The following IGDCC4 variants were observed in gnomAD, a reference collection of about 807,000 sequenced individuals.
IGDCC4 encodes the protein immunoglobulin superfamily DCC subclass member 4.
In IGDCC4, 72 loss-of-function variants were observed where a neutral mutation model predicts 116.6. The ratio of observed to expected loss-of-function variants is 0.62; its 90% CI spans 0.51 to 0.75. IGDCC4 has a LOEUF of 0.75. IGDCC4 is among the 30% of genes least tolerant of loss of function. The pLI, the probability that IGDCC4 is intolerant of heterozygous loss-of-function variation, is 0.00. For synonymous variants in IGDCC4, 709 were observed against 719.9 expected (o/e 0.98, Z 0.24); for missense variants, 1,501 against 1,662.4 (o/e 0.90, Z 1.69).
At position 65,388,540 on chromosome 15, in the gene IGDCC4, C is replaced by G. The variant is rs745357948; in HGVS notation, c.2754G>C (p.Arg918=). ...TGCGCGCCCCCATCTTGAAGAAGTA[C>G]CGAGTGTCGCTCTCCAGGCCATGGA... ...AEVHGLESDT[R]YFFKMGARTE... The change falls in exon 16 of 20, where the codon CGG becomes CGC. Residue 918 remains arginine (R), a synonymous_variant. Transcript: ENST00000352385. The G allele has an allele frequency of 6.2e-7, 1 of 1,614,152 alleles. No individual in the cohort carries two copies. The highest frequency in any genetic ancestry group is 1.1e-5 in the South Asian group (1 of 91,090).
Position 65,384,129 on chromosome 15 carries a change from C to T in IGDCC4, c.3633G>A (p.Pro1211=), listed in dbSNP as rs764552016. 8.7e-6 allele frequency: 14 copies of T among 1,613,280 alleles called. No individual in the cohort carries two copies. The highest frequency in any genetic ancestry group is 2.7e-5 in the African/African-American group (2 of 74,834). Residue 1211 remains proline, a synonymous_variant, in exon 20 of 20, where the codon CCG becomes CCA. Transcript: ENST00000352385. The surrounding 1 kb of genome is among the most constrained non-coding windows in gnomAD (Gnocchi z 4.9). ...PEAASASCSY[P]DLQPGEVLEE... ...CTAGCACCTCGCCTGGCTGGAGGTC[C>T]GGGTAGGAGCAGGAAGCACTGGCTG...
At position 65,393,460 on chromosome 15, in the gene IGDCC4, C is replaced by T; in HGVS notation, c.1786G>A (p.Val596Met). 6.2e-7 allele frequency: 1 copy of T among 1,613,640 alleles called. No homozygotes were observed. Residue 596 changes from valine to methionine, a missense_variant, in exon 10 of 20, where the codon GTG becomes ATG. Transcript: ENST00000352385. The surrounding 1 kb of genome is among the most constrained non-coding windows in gnomAD (Gnocchi z 4.6). ...CCAGCCGAAATCCGTACTCGATACA[C>T]CTTGTTTGGCTGAAGCGAGTTCAGC... ...LMLNSLQPNK[V>M]YRVRISAGTA...
At position 65,384,991 on chromosome 15, in the gene IGDCC4, G is replaced by A. The variant is rs1401687303; in HGVS notation, c.3305C>T (p.Thr1102Met). The A allele has an allele frequency of 7.4e-6, 12 of 1,610,780 alleles. No individual in the cohort carries two copies. Among genetic ancestry groups the A allele is most frequent in the Non-Finnish European group, 9.3e-6 (11 of 1,178,872 alleles). ...GTACACCAGAGCCTGCAGCAACAGCGTCTGCCCAGTTCCAGCAGGGGGCAG... is the reference window on the plus strand; with the variant it reads ...GTACACCAGAGCCTGCAGCAACAGCATCTGCCCAGTTCCAGCAGGGGGCAG... Reference protein sequence around the residue: ...ALLPPAGTGQTLLLQALVYDA... With the variant: ...ALLPPAGTGQMLLLQALVYDA... The change falls in exon 19 of 20, where the codon ACG (threonine) becomes ATG (methionine). Residue 1102 changes from threonine (T) to methionine (M), a missense_variant. Transcript: ENST00000352385. This position sits in a 1 kb window ranked among gnomAD's most constrained non-coding sequence, Gnocchi z 4.9.
At position 65,390,398 on chromosome 15, in the gene IGDCC4, A is replaced by G. The variant is rs112433305; in HGVS notation, c.2225-60T>C. ...GGAGGATACTCATCCTTAAATATGT[A>G]TAGTGGTTTACAGTTCCCAAGGCTG... On this transcript the variant is annotated intron_variant, in intron 12 of 19. Transcript: ENST00000352385. 3.6e-5 allele frequency: 50 copies of G among 1,405,466 alleles called. 4 individuals are homozygous for G. The highest frequency in any genetic ancestry group is 3.5e-4 in the African/African-American group (25 of 70,896). 87.1% of individuals were successfully genotyped at this position (1,405,466 alleles called of 1,614,324 possible). A position where few individuals can be genotyped will look rare whatever the true frequency, so the allele number is the denominator to read the frequency against.
At chr15:65,396,226 C>CCCG in intron 6 of IGDCC4, 63 bp from the exon 7 acceptor site, 3 of 1,374,488 alleles carry the variant, frequency 2.2e-6, no homozygotes, top group South Asian at 1.5e-5. Flanking sequence ...GCCCCCCCCC[C>CCCG]AGTACCCCAA....
chr15:65,410,410 A>ACACAGAAACACATAGT, intron 2 of IGDCC4, 91 bp from the exon 3 acceptor site: 1 of 1,423,664 alleles, frequency 7.0e-7, no homozygotes, highest in Non-Finnish European at 9.7e-7. Context: ...CCGCATGGAG[A>ACACAGAAACACATAGT]CACAGAAACA....
chr15:65,411,136 T>A lies in IGDCC4; in HGVS notation c.305A>T (p.Asn102Ile). 2 of 1,614,188 alleles carry A rather than the reference T, an allele frequency of 1.2e-6. No homozygotes were observed. The highest frequency in any genetic ancestry group is 1.7e-6 in the Non-Finnish European group (2 of 1,180,028). Reference protein sequence around the residue: ...SLWLSQPLAPNGSDESVPEAV... With the variant: ...SLWLSQPLAPIGSDESVPEAV... The stretch of plus-strand genomic sequence containing the variant: ...CTCAGGGACTGACTCGTCACTGCCA[T>A]TGGGTGCTAGTGGCTGGGACAGCCA... The change falls in exon 2 of 20, where the codon AAT becomes ATT. Residue 102 changes from asparagine (N) to isoleucine (I), a missense_variant. Transcript: ENST00000352385.
At position 65,381,781 on chromosome 15, in the gene IGDCC4, C is replaced by T. The variant is rs1028908021; in HGVS notation, c.*2228G>A. ...AATAGATTCTTTTCTAATAAAAATA[C>T]TGCTACAAAGACACAAACCTAACAC... On this transcript the variant is annotated 3_prime_UTR_variant, in exon 20 of 20. Coordinates refer to ENST00000352385, the MANE Select transcript of IGDCC4 (RefSeq NM_020962.3). The T allele has an allele frequency of 6.6e-6, 1 of 152,524 alleles. No homozygotes were observed. The highest frequency in any genetic ancestry group is 2.4e-5 in the African/African-American group (1 of 41,448). 9.4% of individuals were successfully genotyped at this position (152,524 alleles called of 1,614,324 possible).
At chr15:65,407,881 G>A (rs560352144) in intron 3 of IGDCC4, among the ~76,000 whole-genome samples, 4 of 147,020 alleles carry the variant, frequency 2.7e-5, no homozygotes, top group Non-Finnish European at 4.5e-5. Flanking sequence ...TGATCCGCCC[G>A]CCTCAGCCTC....
chr15:65,394,357 C>A (rs1362884308), intron 9 of IGDCC4, 54 bp downstream of exon 9: 10 of 1,607,210 alleles, frequency 6.2e-6, no homozygotes, highest in African/African-American at 2.7e-5. Flanking sequence ...GCCCTGACAG[C>A]TCTTCACGTT....
At chr15:65,407,338 T>TTTA (rs142431798) in intron 3 of IGDCC4, among the ~76,000 whole-genome samples, 93 of 151,580 alleles carry the variant, frequency 6.1e-4, no homozygotes, top group African/African-American at 2.0e-3. Flanking sequence ...TACAATATAA[T>TTTA]TTATTATTAT....
At chr15:65,402,512 T>A in intron 3 of IGDCC4, 25 bp from the exon 4 acceptor site, 1 of 1,560,762 alleles carries the variant, frequency 6.4e-7, no homozygotes, top group Non-Finnish European at 8.7e-7. Flanking sequence ...AGCAGGCAAC[T>A]GTGAGGTGGG....
At position 65,402,367 on chromosome 15, in the gene IGDCC4, G is replaced by A. The variant is rs1473827052; in HGVS notation, c.684C>T (p.Leu228=). Reference sequence around the variant, plus strand: ...CCCCCTTACCTCTGTGGGCCACACTGAGTAGGGCCTCCTGGCTGAAGTGCT... The same window carrying A: ...CCCCCTTACCTCTGTGGGCCACACTAAGTAGGGCCTCCTGGCTGAAGTGCT... ...ARQHFSQEAL[L]SVAHRGSLAS... is the part of the protein sequence containing the mutation. The change falls in exon 4 of 20, where the codon CTC becomes CTT. Residue 228 remains leucine (L), a synonymous_variant. Transcript: ENST00000352385. The A allele has an allele frequency of 1.9e-6, 3 of 1,570,104 alleles. No individual in the cohort carries two copies. Among genetic ancestry groups the A allele is most frequent in the Admixed American group, 1.9e-5 (1 of 53,946 alleles).
intron 3 of IGDCC4, among the ~76,000 whole-genome samples, chr15:65,405,130 G>T (rs376387195): frequency 5.5e-4 from 39 of 70,648 alleles, no homozygotes; most frequent in African/African-American, 1.1e-3. Flanking sequence ...ATTAGTTAGT[G>T]GGGGGGGGGG....
intron 1 of IGDCC4, among the ~76,000 whole-genome samples, chr15:65,414,698 G>A (rs2063126952): frequency 6.6e-6 from 1 of 152,234 alleles, no homozygotes; most frequent in Non-Finnish European, 1.5e-5. Flanking sequence ...CTGGAGTACA[G>A]TGACATGATC....
chr15:65,387,442 G>A (rs543773134), intron 16 of IGDCC4, among the ~76,000 whole-genome samples: 3 of 152,172 alleles, frequency 2.0e-5, no homozygotes, highest in South Asian at 2.1e-4. Flanking sequence ...TCCTCCTCCC[G>A]GGTTCACGCC....
intron 1 of IGDCC4, among the ~76,000 whole-genome samples, chr15:65,421,126 G>A (rs1442571944): frequency 1.3e-5 from 2 of 152,218 alleles, no homozygotes; most frequent in Non-Finnish European, 2.9e-5. Flanking sequence ...CACTCACACT[G>A]CAACCAAGAG....
intron 5 of IGDCC4, among the ~76,000 whole-genome samples, chr15:65,397,870 A>C (rs1419016153): frequency 2.0e-5 from 3 of 152,254 alleles, no homozygotes; most frequent in African/African-American, 7.2e-5. Context: ...TGAACAGAGC[A>C]GATCACTGCA....
intron 1 of IGDCC4, among the ~76,000 whole-genome samples, chr15:65,416,147 T>TG (rs1237838451): frequency 1.4e-5 from 2 of 138,030 alleles, no homozygotes; most frequent in Admixed American, 1.4e-4. Flanking sequence ...TTTTTTTTTT[T>TG]TTTTTTTTTT....
Sources: allele counts gnomAD v4.1 joint callset (sites outside exome capture counted in the v4.1 genomes callset), GRCh38; gene constraint gnomAD v4.1.1; non-coding constraint Gnocchi (gnomAD v3.1); transcripts MANE v1.5; gene names NCBI Gene and HGNC (gene_info 2026-07-23, HGNC 2026-07-21).